ATP10B: variants seen among roughly 807,000 people sequenced by gnomAD.
ATP10B encodes the protein ATPase phospholipid transporting 10B (putative).
Under a neutral mutation model 141.2 loss-of-function variants are expected in ATP10B, and 122 were observed. The observed-to-expected ratio is 0.86, with a 90% CI of 0.75 to 1.00. The LOEUF is 1.00. Ranked by LOEUF, ATP10B falls within the 50% of genes least tolerant of loss-of-function variation. ATP10B has a pLI of 0.00. For missense variants in ATP10B, 1,876 were observed against 1,825.3 expected (o/e 1.03, Z -0.51); for synonymous variants, 685 against 692.0 (o/e 0.99, Z 0.16).
intron 1 of ATP10B, 53 bp downstream of exon 1, chr5:160,851,888 A>G (rs952322362): frequency 5.9e-5 from 9 of 152,204 alleles, no homozygotes; most frequent in African/African-American, 2.2e-4. Context: ...GATGATTCTA[A>G]GAGGCAATTA....
Position 160,612,902 on chromosome 5 carries a change from G to T in ATP10B, c.2677C>A (p.Leu893Met), listed in dbSNP as rs1581200334. ...LLGATGIEDR[L>M]QEGVPDTIAT... The stretch of plus-strand genomic sequence containing the variant: ...ATCGTATCTGGAACTCCTTCCTGCA[G>T]CCGGTCTTCGATCCCAGTGGCTCCT... Residue 893 changes from leucine (L) to methionine (M), a missense_variant, in exon 18 of 26, where the codon CTG becomes ATG. Transcript: ENST00000327245. The T allele has an allele frequency of 6.2e-7, 1 of 1,613,548 alleles. No homozygotes were observed. Among genetic ancestry groups the T allele is most frequent in the East Asian group, 2.2e-5 (1 of 44,866 alleles).
At chr5:160,788,448 G>T (rs1265808582) in intron 1 of ATP10B, among the ~76,000 whole-genome samples, 3 of 152,172 alleles carry the variant, frequency 2.0e-5, no homozygotes, top group African/African-American at 4.8e-5. Context: ...TGTTTTGTAT[G>T]AAAATTTGCT....
chr5:160,815,673 A>T (rs139868354), intron 1 of ATP10B, among the ~76,000 whole-genome samples: 1 of 152,216 alleles, frequency 6.6e-6, no homozygotes, highest in Admixed American at 6.5e-5. Flanking sequence ...CCTAATAGAC[A>T]TCTACAGAAC....
chr5:160,688,117 C>G (rs1051061409), intron 4 of ATP10B, 23 bp from the exon 5 acceptor site: 25 of 1,591,252 alleles, frequency 1.6e-5, no homozygotes, highest in Non-Finnish European at 2.1e-5. Flanking sequence ...ACAGGAGGAG[C>G]TATGTTTAGG....
chr5:160,920,318 C>T, the ATP10B span, among the ~76,000 whole-genome samples: 2 of 152,170 alleles, frequency 1.3e-5, no homozygotes, highest in African/African-American at 4.8e-5. Flanking sequence ...TAAAAAAGGG[C>T]TTAATAGGTA....
At chr5:160,757,689 G>A (rs1274545649) in intron 2 of ATP10B, among the ~76,000 whole-genome samples, 5 of 152,140 alleles carry the variant, frequency 3.3e-5, no homozygotes, top group Admixed American at 6.5e-5. Context: ...AGTGTGGTAT[G>A]GATGGGGGGA....
At chr5:160,650,129 T>C (rs549212332) in intron 7 of ATP10B, among the ~76,000 whole-genome samples, 2 of 149,814 alleles carry the variant, frequency 1.3e-5, no homozygotes, top group Admixed American at 1.3e-4. Flanking sequence ...TATATATATA[T>C]ATATACACAC....
intron 24 of ATP10B, among the ~76,000 whole-genome samples, chr5:160,579,810 T>C (rs1755429364): frequency 6.6e-6 from 1 of 152,254 alleles, no homozygotes; most frequent in South Asian, 2.1e-4. Context: ...TGGAATGTTT[T>C]TGCATTTGTT....
intron 2 of ATP10B, among the ~76,000 whole-genome samples, chr5:160,773,823 A>G (rs1351901360): frequency 6.7e-6 from 1 of 148,672 alleles, no homozygotes; most frequent in East Asian, 2.2e-4. Context: ...AGACAGTCTT[A>G]TTGTGTGCAC....
intron 2 of ATP10B, among the ~76,000 whole-genome samples, chr5:160,723,317 G>A (rs1446057652): frequency 1.3e-5 from 2 of 152,190 alleles, no homozygotes; most frequent in African/African-American, 4.8e-5. Flanking sequence ...TTTTGGTGGA[G>A]GAGATATATA....
intron 2 of ATP10B, among the ~76,000 whole-genome samples, chr5:160,745,817 A>T (rs1005478426): frequency 1.3e-5 from 2 of 152,248 alleles, no homozygotes; most frequent in African/African-American, 4.8e-5. Context: ...TGGAACCCAC[A>T]GCTCATGACC....
At chr5:160,568,581 T>C (rs1754694436) in intron 25 of ATP10B, among the ~76,000 whole-genome samples, 1 of 152,106 alleles carries the variant, frequency 6.6e-6, no homozygotes, top group Admixed American at 6.6e-5. Context: ...CTAGAGAGAG[T>C]GGGCTGCGGA....
chr5:160,891,440 G>A, the ATP10B span, among the ~76,000 whole-genome samples: 1 of 152,130 alleles, frequency 6.6e-6, no homozygotes, highest in Non-Finnish European at 1.5e-5. Context: ...AAGCTCCATG[G>A]AGGAAACAGG....
At chr5:160,574,960 CCA>C (rs1755101595) in intron 24 of ATP10B, among the ~76,000 whole-genome samples, 1 of 152,090 alleles carries the variant, frequency 6.6e-6, no homozygotes, top group Non-Finnish European at 1.5e-5. Flanking sequence ...TGTAAATTAC[CCA>C]GTCTCAGGTG....
At position 160,565,495 on chromosome 5, in the gene ATP10B, C is replaced by G. The variant is rs745690745; in HGVS notation, c.4344G>C (p.Lys1448Asn). 1.2e-6 allele frequency: 2 copies of G among 1,614,146 alleles called. No individual in the cohort carries two copies. The highest frequency in any genetic ancestry group is 1.7e-6 in the Non-Finnish European group (2 of 1,179,974). ...RGQTDMCRCS[K>N]RSSHRRSQSS... The stretch of plus-strand genomic sequence containing the variant: ...TCTGGGATCGGCGATGGCTGCTCCT[C>G]TTTGAGCACCGGCACATATCAGTCT... The change falls in exon 26 of 26, where the codon AAG (lysine) becomes AAC (asparagine). Residue 1448 changes from lysine (K) to asparagine (N), a missense_variant. Lys to Asn is a moderately conservative substitution (Grantham distance 94, BLOSUM62 0). Coordinates refer to ENST00000327245, the MANE Select transcript of ATP10B (RefSeq NM_025153.3).
At chr5:160,641,791 A>C (rs1759886291) in intron 9 of ATP10B, among the ~76,000 whole-genome samples, 1 of 152,234 alleles carries the variant, frequency 6.6e-6, no homozygotes, top group Non-Finnish European at 1.5e-5. Context: ...GAAAACCAAT[A>C]CATCAGCTCC....
intron 24 of ATP10B, among the ~76,000 whole-genome samples, chr5:160,578,817 AG>A (rs1394622189): frequency 6.6e-6 from 1 of 151,638 alleles, no homozygotes; most frequent in Non-Finnish European, 1.5e-5. Context: ...ACAGTGTAAA[AG>A]TTTTCTCCAC....
chr5:160,806,152 G>A (rs1050115504), intron 1 of ATP10B, among the ~76,000 whole-genome samples: 6 of 152,118 alleles, frequency 3.9e-5, no homozygotes, highest in African/African-American at 1.4e-4. Context: ...CAGTTCAAAT[G>A]TTAATCTCTT....
intron 3 of ATP10B, among the ~76,000 whole-genome samples, chr5:160,691,080 A>C (rs1450452999): frequency 6.6e-6 from 1 of 152,182 alleles, no homozygotes; most frequent in African/African-American, 2.4e-5. Context: ...GCTGGAAACC[A>C]TCATTCTCAG....
Sources: gnomAD v4.1 joint callset for allele counts (sites outside exome capture counted in the v4.1 genomes callset) on GRCh38, gnomAD v4.1.1 for gene constraint, MANE v1.5 for transcripts, NCBI Gene and HGNC (gene_info 2026-07-23, HGNC 2026-07-21) for gene names.